Variants in C10orf67 observed in about 807,000 individuals in gnomAD.
C10orf67 encodes uncharacterized protein C10orf67, mitochondrial.
Under a neutral mutation model 35.6 loss-of-function variants are expected in C10orf67, and 60 were observed. The observed-to-expected ratio is 1.68, with a 90% confidence interval of 1.37 to 2.09. C10orf67 has a LOEUF of 2.09. Ranked by LOEUF, C10orf67 falls within the 30% of genes most tolerant of loss-of-function variation. The pLI, the probability that C10orf67 is intolerant of heterozygous loss-of-function variation, is 0.00. For missense variants in C10orf67, 474 were observed against 330.2 expected (o/e 1.44, Z -3.38); for synonymous variants, 167 against 115.8 (o/e 1.44, Z -2.84).
At chr10:23,221,572 T>C (rs1254464994) in intron 15 of C10orf67, among the ~76,000 whole-genome samples, 1 of 152,216 alleles carries the variant, frequency 6.6e-6, no homozygotes, top group Non-Finnish European at 1.5e-5. Context: ...TCTTGGCTAA[T>C]TTGGCCCTTT....
chr10:23,311,675 C>T (rs1435792360), intron 4 of C10orf67, among the ~76,000 whole-genome samples: 1 of 151,580 alleles, frequency 6.6e-6, no homozygotes, highest in Admixed American at 6.6e-5. Flanking sequence ...CATGCCATTG[C>T]ACTCCAGCCT....
intron 12 of C10orf67, among the ~76,000 whole-genome samples, chr10:23,244,991 T>C (rs530532600): frequency 6.6e-6 from 1 of 152,320 alleles, no homozygotes; most frequent in East Asian, 1.9e-4. Context: ...AGTATGATTG[T>C]ACTGACATGA....
chr10:23,297,065 C>T (rs1236188620), intron 5 of C10orf67, among the ~76,000 whole-genome samples: 2 of 152,212 alleles, frequency 1.3e-5, no homozygotes, highest in Non-Finnish European at 2.9e-5. Context: ...GCAACTATGT[C>T]CTCGTGAGGT....
chr10:23,332,940 T>C (rs1280798251), intron 2 of C10orf67, 122 bp downstream of exon 2: 5 of 919,924 alleles, frequency 5.4e-6, no homozygotes, highest in Non-Finnish European at 8.2e-6. Context: ...ATCATTCAGC[T>C]GTTTGTCAAA....
chr10:23,202,536 G>GA (rs574543966), downstream of C10orf67: 27 of 151,468 alleles, frequency 1.8e-4, no homozygotes, highest in South Asian at 4.4e-3. Flanking sequence ...ATCACTATGG[G>GA]AAAAAAATAA....
intron 6 of C10orf67, among the ~76,000 whole-genome samples, 192 bp from the exon 7 acceptor site, chr10:23,290,150 T>A (rs113470384): frequency 7.9e-5 from 12 of 152,202 alleles, no homozygotes; most frequent in Non-Finnish European, 1.8e-4. Flanking sequence ...GCCGGTCAGA[T>A]AGGGATTAAG....
intron 13 of C10orf67, among the ~76,000 whole-genome samples, chr10:23,236,867 A>C (rs1842065228): frequency 6.6e-6 from 1 of 152,066 alleles, no homozygotes; most frequent in Non-Finnish European, 1.5e-5. Context: ...ACAGTGCAAG[A>C]CTCCGTCTCA....
intron 8 of C10orf67, among the ~76,000 whole-genome samples, chr10:23,274,319 G>A (rs1197545191): frequency 6.6e-6 from 1 of 152,132 alleles, no homozygotes; most frequent in African/African-American, 2.4e-5. Flanking sequence ...GAATTTACCA[G>A]GCTGGAATTT....
chr10:23,290,079 C>A, intron 6 of C10orf67, 121 bp from the exon 7 acceptor site: 1 of 625,442 alleles, frequency 1.6e-6, no homozygotes, highest in South Asian at 2.0e-5. Flanking sequence ...CAAGGCCTAG[C>A]AGGACTGTGA....
At chr10:23,240,092 G>A (rs1184148151) in intron 12 of C10orf67, among the ~76,000 whole-genome samples, 1 of 152,082 alleles carries the variant, frequency 6.6e-6, no homozygotes, top group African/African-American at 2.4e-5. Context: ...TCAGAAGGCT[G>A]AGGTGGGAGG....
intron 13 of C10orf67, among the ~76,000 whole-genome samples, chr10:23,226,401 G>C (rs1841742623): frequency 2.0e-5 from 3 of 151,954 alleles, no homozygotes; most frequent in African/African-American, 7.2e-5. Flanking sequence ...CGAGAACAAG[G>C]ACACAACATA....
Position 23,223,790 on chromosome 10 carries a change from C to A in C10orf67, c.1463G>T (p.Arg488Ile). Residue 488 changes from arginine to isoleucine, a missense_variant, in exon 14 of 16, where the codon AGA (arginine) becomes ATA (isoleucine). Coordinates refer to ENST00000636213, the MANE Select transcript of C10orf67 (RefSeq NM_001371909.1). ...AGAGGATATAGCTGTCATGGTCGTT[C>A]TAGACTGCACTAATAAGGGTTTTAC... is the stretch of plus-strand genomic sequence containing the variant. ...IKVKPLLVQS[R>I]TTMTAISSSS... 1.4e-6 allele frequency: 1 copy of A among 715,300 alleles called. No individual in the cohort carries two copies. The highest frequency in any genetic ancestry group is 1.5e-5 in the South Asian group (1 of 67,508). The allele number at this position is 715,300 out of a possible 1,614,324, so 44.3% of individuals were successfully genotyped here.
chr10:23,278,138 G>C (rs142265715), intron 8 of C10orf67, among the ~76,000 whole-genome samples: 75 of 152,270 alleles, frequency 4.9e-4, no homozygotes, highest in African/African-American at 1.8e-3. Context: ...TCCAACATTG[G>C]AGCTTACATT....
Position 23,204,103 on chromosome 10 carries a change from G to T in C10orf67, c.*70C>A, listed in dbSNP as rs1032279817. The stretch of plus-strand genomic sequence containing the variant: ...GGAGATAGTATCCTTTCCGAGGGAG[G>T]CACCTTACACCAGGACGGCGAGGCC... On this transcript the variant is annotated 3_prime_UTR_variant, in exon 16 of 16. Coordinates refer to ENST00000636213, the MANE Select transcript of C10orf67 (RefSeq NM_001371909.1). The T allele has an allele frequency of 1.1e-5, 5 of 454,924 alleles. No homozygotes were observed. Among genetic ancestry groups the T allele is most frequent in the Non-Finnish European group, 2.0e-5 (5 of 247,764 alleles). The allele number at this position is 454,924 out of a possible 1,614,324, so 28.2% of individuals were successfully genotyped here. A position where few individuals can be genotyped will look rare whatever the true frequency, so the allele number is the denominator to read the frequency against.
At chr10:23,276,140 T>C (rs540310451) in intron 8 of C10orf67, among the ~76,000 whole-genome samples, 1 of 152,292 alleles carries the variant, frequency 6.6e-6, no homozygotes, top group South Asian at 2.1e-4. Context: ...CAGGATGAGA[T>C]AGTCACCCTA....
At chr10:23,289,850 C>T (rs1408956686) in intron 7 of C10orf67, 50 bp downstream of exon 7, 6 of 710,160 alleles carry the variant, frequency 8.4e-6, no homozygotes, top group East Asian at 2.7e-5. Flanking sequence ...CCAATTGCGC[C>T]TATAGTTCCA....
chr10:23,208,026 C>G (rs1841204371), intron 15 of C10orf67, among the ~76,000 whole-genome samples: 1 of 152,300 alleles, frequency 6.6e-6, no homozygotes, highest in African/African-American at 2.4e-5. Flanking sequence ...GCAATCTGTT[C>G]TAATCCTAGA....
At chr10:23,232,116 T>G (rs1362704828) in intron 13 of C10orf67, among the ~76,000 whole-genome samples, 1 of 152,226 alleles carries the variant, frequency 6.6e-6, no homozygotes, top group Non-Finnish European at 1.5e-5. Flanking sequence ...GGCCTTGCTC[T>G]TGGGAATGCG....
At chr10:23,238,905 A>G (rs543799636) in intron 13 of C10orf67, among the ~76,000 whole-genome samples, 13 of 152,304 alleles carry the variant, frequency 8.5e-5, no homozygotes, top group Admixed American at 7.8e-4. Flanking sequence ...TTAATTTAAT[A>G]TTATCCTGCA....
Sources: gnomAD v4.1 joint callset for allele counts (sites outside exome capture counted in the v4.1 genomes callset) on GRCh38, gnomAD v4.1.1 for gene constraint, MANE v1.5 for transcripts, NCBI Gene and HGNC (gene_info 2026-07-23, HGNC 2026-07-21) for gene names.